The following IKBKG variants were observed in gnomAD, a reference collection of about 807,000 sequenced individuals.
IKBKG encodes the protein NF-kappa-B essential modulator.
In IKBKG, 2 loss-of-function variants were observed where a neutral mutation model predicts 13.7. The ratio of observed to expected loss-of-function variants is 0.15; its 90% CI spans 0.06 to 0.46. The LOEUF is 0.46. Among genes scored for constraint, IKBKG ranks in the 20% least tolerant of loss-of-function variants. The probability of loss-of-function intolerance (pLI) is 0.98; values close to 1 mark genes in which losing one functional copy is unlikely to be tolerated. For missense variants in IKBKG, 53 were observed against 150.3 expected, an observed-to-expected ratio of 0.35 and a Z score of 3.39; for synonymous variants, 22 against 64.4, an observed-to-expected ratio of 0.34 and a Z score of 3.15.
At chrX:154,548,124 C>T in intron 1 of IKBKG, 1 of 749,295 alleles carries the variant, frequency 1.3e-6, no homozygotes, top group Non-Finnish European at 1.6e-6. Context: ...GCTCGTTTTG[C>T]AAGACAACAT....
chrX:154,552,376 G>A (rs1213718904), intron 2 of IKBKG, among the ~76,000 whole-genome samples, 187 bp downstream of exon 2: 2 of 112,068 alleles, frequency 1.8e-5, no homozygotes, highest in African/African-American at 6.5e-5. Flanking sequence ...TACTGGGAAG[G>A]GAAAGGAGGG....
upstream of IKBKG, chrX:154,547,117 T>C (rs1239548910): frequency 6.8e-6 from 1 of 146,734 alleles, no homozygotes; most frequent in East Asian, 2.0e-4. Flanking sequence ...CAGCTCCGCG[T>C]AGTGCTCCCG....
chrX:154,555,107 C>T (rs1423539716), intron 2 of IKBKG, among the ~76,000 whole-genome samples: 1 of 111,584 alleles, frequency 9.0e-6, no homozygotes, highest in African/African-American at 3.3e-5. Flanking sequence ...TCTGCTTCCT[C>T]GTTTAACCCT....
chrX:154,545,902 G>T (rs1367843834), upstream of IKBKG: 4 of 782,152 alleles, frequency 5.1e-6, no homozygotes, highest in Non-Finnish European at 7.7e-6. Flanking sequence ...GGATGATCCT[G>T]GCGCACTAGC....
upstream of IKBKG, among the ~76,000 whole-genome samples, chrX:154,545,127 G>C (rs1006395069): frequency 3.6e-5 from 4 of 111,277 alleles, no homozygotes; most frequent in African/African-American, 9.8e-5. Flanking sequence ...CTCTAGTCTC[G>C]GGCGATGGCT....
At chrX:154,548,426 A>G (rs1224241284) in intron 1 of IKBKG, among the ~76,000 whole-genome samples, 1 of 112,694 alleles carries the variant, frequency 8.9e-6, no homozygotes, top group East Asian at 2.7e-4. Flanking sequence ...AACAGACCAT[A>G]GTGGGCAAGG....
chrX:154,543,652 T>C (rs897769098), upstream of IKBKG, among the ~76,000 whole-genome samples: 1 of 111,478 alleles, frequency 9.0e-6, no homozygotes, highest in Admixed American at 9.6e-5. Context: ...GTCAGAGTCC[T>C]GGCTGTTAAG....
In IKBKG at chrX:154,547,753, C is replaced by G; in HGVS notation, c.-16+8C>G. On this transcript the variant is annotated splice_region_variant and intron_variant, in intron 1 of 9. Transcript: ENST00000594239. Reference sequence around the variant, plus strand: ...GACGGACTCTGCTGACAGGTGTGGTCCTTTTCCCCAAAGACAGGGTTCCAT... The same window carrying G: ...GACGGACTCTGCTGACAGGTGTGGTGCTTTTCCCCAAAGACAGGGTTCCAT... The G allele has an allele frequency of 1.3e-6, 1 of 755,076 alleles. No homozygotes were observed. The highest frequency in any genetic ancestry group is 1.6e-6 in the Non-Finnish European group (1 of 639,469). 62.2% of individuals were successfully genotyped at this position (755,076 alleles called of 1,213,427 possible).
chrX:154,546,658 A>G, upstream of IKBKG: 1 of 547,027 alleles, frequency 1.8e-6, no homozygotes, highest in South Asian at 3.0e-5. Flanking sequence ...CGGGGTATAA[A>G]GGGATTGGTT....
At chrX:154,546,018 G>A (rs1557233143), upstream of IKBKG, 1 of 1,209,107 alleles carries the variant, frequency 8.3e-7, no homozygotes, top group East Asian at 3.0e-5. Context: ...TTAAGATTGG[G>A]GCCTGGGAGA....
chrX:154,553,549 T>A (rs1453200260), intron 2 of IKBKG, among the ~76,000 whole-genome samples: 1 of 112,250 alleles, frequency 8.9e-6, no homozygotes, highest in Non-Finnish European at 1.9e-5. Context: ...ACGGTGAGGC[T>A]GAATTGGAGA....
At chrX:154,543,513 G>A (rs1400705468), upstream of IKBKG, among the ~76,000 whole-genome samples, 4 of 111,954 alleles carry the variant, frequency 3.6e-5, no homozygotes, top group East Asian at 5.6e-4. Flanking sequence ...TGAAGGCCAG[G>A]AGTCATAAGC....
upstream of IKBKG, among the ~76,000 whole-genome samples, chrX:154,543,079 C>A (rs781843389): frequency 3.6e-5 from 4 of 112,155 alleles, no homozygotes; most frequent in East Asian, 1.1e-3. Flanking sequence ...GTGGAAGAAG[C>A]CTGGGAGCCG....
At chrX:154,552,686 C>A (rs1376212927) in intron 2 of IKBKG, among the ~76,000 whole-genome samples, 1 of 110,588 alleles carries the variant, frequency 9.0e-6, no homozygotes, top group African/African-American at 3.3e-5. Context: ...AAGGAAGGTG[C>A]GTGGCCCCCA....
chrX:154,547,539 G>A (rs1468856671), upstream of IKBKG: 2 of 754,017 alleles, frequency 2.7e-6, no homozygotes, highest in African/African-American at 4.6e-5. Flanking sequence ...CCCTACCGCG[G>A]CCTCACACTT....
chrX:154,548,215 T>A (rs1557234206), intron 1 of IKBKG: 10 of 508,105 alleles, frequency 2.0e-5, no homozygotes, highest in Non-Finnish European at 2.4e-5. Flanking sequence ...CGGAGGTCAC[T>A]ATAGCTGGAG....
upstream of IKBKG, chrX:154,546,837 G>T: frequency 1.7e-6 from 2 of 1,143,920 alleles, no homozygotes; most frequent in South Asian, 3.9e-5. Flanking sequence ...CGAAGTGTAC[G>T]ACCGTTTCCG....
At chrX:154,546,001 C>T (rs1557233129), upstream of IKBKG, 1 of 1,208,200 alleles carries the variant, frequency 8.3e-7, no homozygotes, top group Non-Finnish European at 1.1e-6. Context: ...CAGGCACTTC[C>T]TGGCTTTTAA....
At chrX:154,546,023 G>A, upstream of IKBKG, 7 of 1,209,616 alleles carry the variant, frequency 5.8e-6, no homozygotes, top group Non-Finnish European at 7.8e-6. Context: ...ATTGGGGCCT[G>A]GGAGATACTC....
Sources: gnomAD v4.1 joint callset for allele counts (sites outside exome capture counted in the v4.1 genomes callset) on GRCh38, gnomAD v4.1.1 for gene constraint, MANE v1.5 for transcripts, NCBI Gene and HGNC (gene_info 2026-07-23, HGNC 2026-07-21) for gene names.